Variants in ELF1 observed in about 807,000 individuals in gnomAD.
ELF1 encodes the protein E74 like ETS transcription factor 1.
ELF1 carries 24 observed loss-of-function variants against 59.9 expected under a neutral mutation model. That is an observed-to-expected ratio of 0.40 (90% confidence interval 0.29 to 0.56). ELF1 has a LOEUF of 0.56. Among genes scored for constraint, ELF1 ranks in the 20% least tolerant of loss-of-function variants. The pLI is 0.44. For synonymous variants in ELF1, 248 were observed against 266.2 expected, an observed-to-expected ratio of 0.93 and a Z score of 0.67; for missense variants, 627 against 742.2, an observed-to-expected ratio of 0.84 and a Z score of 1.80.
At chr13:40,962,662 A>C (rs1321405625) in intron 2 of ELF1, among the ~76,000 whole-genome samples, 1 of 148,102 alleles carries the variant, frequency 6.8e-6, no homozygotes, top group Non-Finnish European at 1.5e-5. Context: ...CTCTGGCCTG[A>C]GTGAAGAAGA....
intron 1 of ELF1, among the ~76,000 whole-genome samples, chr13:41,015,325 T>C (rs1875295873): frequency 6.6e-6 from 1 of 151,390 alleles, no homozygotes; most frequent in African/African-American, 2.4e-5. Context: ...TTGAACAACA[T>C]ATAGCACAGC....
chr13:40,957,726 G>T (rs1871542695), intron 3 of ELF1, among the ~76,000 whole-genome samples: 1 of 152,062 alleles, frequency 6.6e-6, no homozygotes, highest in Non-Finnish European at 1.5e-5. Flanking sequence ...CCAGTCTCAG[G>T]TAGTTCTTTA....
At chr13:41,000,237 CTTTTTTTTTTTTTTTTTTTTT>C (rs55938711) in intron 1 of ELF1, among the ~76,000 whole-genome samples, 2 of 54,722 alleles carry the variant, frequency 3.7e-5, no homozygotes, top group Non-Finnish European at 6.2e-5. Flanking sequence ...TTGAACCTGG[CTTTTTTTTTTTTTTTTTTTTT>C]TTTTTTTTTT....
At chr13:40,947,933 T>G (rs1593354365) in intron 5 of ELF1, among the ~76,000 whole-genome samples, 1 of 152,220 alleles carries the variant, frequency 6.6e-6, no homozygotes, top group African/African-American at 2.4e-5. Flanking sequence ...ATAAGGCTAT[T>G]AAAAAAGACT....
At chr13:41,044,706 C>T (rs1293286775) in intron 1 of ELF1, among the ~76,000 whole-genome samples, 5 of 152,152 alleles carry the variant, frequency 3.3e-5, no homozygotes, top group Admixed American at 2.0e-4. Context: ...CAGTATTTTA[C>T]TGAGGATTTT....
chr13:41,017,327 C>T (rs1181898119), intron 1 of ELF1, among the ~76,000 whole-genome samples: 4 of 152,156 alleles, frequency 2.6e-5, no homozygotes, highest in East Asian at 1.9e-4. Context: ...TTCCAGACTG[C>T]GAAGCCCTGC....
rs987482448 is a variant in ELF1 at position 40,946,273 on chromosome 13, G to A, written c.530-2348C>T. ...GTATAACTGACATATAATAAACTACGTATGTTTGATGTTTACAATTTGACA... is the reference window on the plus strand; with the variant it reads ...GTATAACTGACATATAATAAACTACATATGTTTGATGTTTACAATTTGACA... On this transcript the variant is annotated intron_variant, in intron 5 of 8. Coordinates refer to ENST00000239882, the MANE Select transcript of ELF1 (RefSeq NM_172373.4). 7.9e-5 allele frequency among the ~76,000 whole-genome samples: 12 copies of A among 152,084 alleles called. No homozygotes were observed. In the South Asian group the frequency reaches 1.5e-3, roughly 18 times the overall value.
chr13:41,053,695 T>G (rs1335825345), intron 1 of ELF1, among the ~76,000 whole-genome samples: 1 of 152,242 alleles, frequency 6.6e-6, no homozygotes, highest in African/African-American at 2.4e-5. Flanking sequence ...TAGGAAAGTT[T>G]TATTTGGTCG....
At chr13:41,043,130 C>T (rs1035176682) in intron 1 of ELF1, among the ~76,000 whole-genome samples, 9 of 152,096 alleles carry the variant, frequency 5.9e-5, no homozygotes, top group African/African-American at 9.7e-5. Context: ...TCATATCCTT[C>T]GCCCACTTTT....
At chr13:41,060,867 C>T (rs976951295) in exon 1 of ELF1, 3 of 332,696 alleles carry the variant, frequency 9.0e-6, no homozygotes, top group Middle Eastern at 9.0e-4. Flanking sequence ...CTGCCTCCTT[C>T]GCCGCACCTC....
chr13:40,946,366 G>GTAC (rs1374553536), intron 5 of ELF1, among the ~76,000 whole-genome samples: 1 of 152,114 alleles, frequency 6.6e-6, no homozygotes, highest in Non-Finnish European at 1.5e-5. Context: ...CACCCCAAAA[G>GTAC]TACTTTGTGC....
At chr13:41,052,310 C>T (rs1877121234) in intron 1 of ELF1, among the ~76,000 whole-genome samples, 1 of 151,970 alleles carries the variant, frequency 6.6e-6, no homozygotes, top group Admixed American at 6.6e-5. Context: ...GTGAACACTT[C>T]CATTAATCCT....
intron 2 of ELF1, among the ~76,000 whole-genome samples, chr13:40,969,755 G>C (rs1317146830): frequency 6.6e-6 from 1 of 152,116 alleles, no homozygotes; most frequent in Non-Finnish European, 1.5e-5. Flanking sequence ...CTCCAGGCTA[G>C]AGTGCAGTGG....
intron 2 of ELF1, among the ~76,000 whole-genome samples, chr13:40,978,898 T>C (rs564623990): frequency 4.6e-5 from 7 of 152,062 alleles, no homozygotes; most frequent in African/African-American, 1.7e-4. Context: ...TTATTTTAGA[T>C]TCAGGGGGTA....
intron 1 of ELF1, among the ~76,000 whole-genome samples, chr13:41,047,603 G>C (rs1386556528): frequency 6.6e-6 from 1 of 152,184 alleles, no homozygotes; most frequent in African/African-American, 2.4e-5. Flanking sequence ...GAATATTGCT[G>C]AACAGCAAAT....
intron 5 of ELF1, among the ~76,000 whole-genome samples, chr13:40,944,175 T>C (rs1870363533): frequency 6.6e-6 from 1 of 152,216 alleles, no homozygotes; most frequent in Non-Finnish European, 1.5e-5. Flanking sequence ...AGTTTATATC[T>C]GTAAAAATGA....
chr13:40,946,394 A>ATC (rs984073044), intron 5 of ELF1, among the ~76,000 whole-genome samples: 3 of 152,164 alleles, frequency 2.0e-5, no homozygotes, highest in Admixed American at 1.3e-4. Context: ...TAATCCTTAC[A>ATC]TCTCGCCCTT....
At chr13:41,027,650 T>A (rs1317500324) in intron 1 of ELF1, among the ~76,000 whole-genome samples, 2 of 152,230 alleles carry the variant, frequency 1.3e-5, no homozygotes, top group African/African-American at 4.8e-5. Flanking sequence ...CAAATTTGCC[T>A]TTCCTGCACA....
At chr13:41,035,828 C>T (rs1162783448) in intron 1 of ELF1, among the ~76,000 whole-genome samples, 1 of 149,000 alleles carries the variant, frequency 6.7e-6, no homozygotes, top group Non-Finnish European at 1.5e-5. Context: ...CTTAACACAA[C>T]TTCTTGTTAA....
Sources: gnomAD v4.1 joint callset for allele counts (sites outside exome capture counted in the v4.1 genomes callset) on GRCh38, gnomAD v4.1.1 for gene constraint, MANE v1.5 for transcripts, NCBI Gene and HGNC (gene_info 2026-07-23, HGNC 2026-07-21) for gene names.